The following KRT6A variants were observed in gnomAD, a reference collection of about 807,000 sequenced individuals.
The protein encoded by KRT6A is keratin, type II cytoskeletal 6A.
Under a neutral mutation model 48.6 loss-of-function variants are expected in KRT6A, and 28 were observed. The ratio of observed to expected loss-of-function variants is 0.58; its 90% CI spans 0.43 to 0.79. The LOEUF is 0.79. KRT6A is among the 30% of genes least tolerant of loss of function. The probability of loss-of-function intolerance (pLI) is 0.00; values close to 1 mark genes in which losing one functional copy is unlikely to be tolerated. For missense variants in KRT6A, 687 were observed against 724.3 expected (o/e 0.95, Z 0.59); for synonymous variants, 301 against 294.2 (o/e 1.02, Z -0.24).
chr12:52,488,860 A>T (rs547910965), intron 6 of KRT6A, among the ~76,000 whole-genome samples: 2 of 152,348 alleles, frequency 1.3e-5, no homozygotes, highest in Admixed American at 1.3e-4. Context: ...TTGTCTCCAC[A>T]GTCAAATCAA....
In KRT6A at chr12:52,490,029, C is replaced by A; in HGVS notation, c.1117G>T (p.Asp373Tyr). ...ATCTCCTGCTTGGTGTTGCGCAGGT[C>A]GTCCCCATGTCTGCCTGCTGTGACC... ...LQVTAGRHGD[D>Y]LRNTKQEIAE... The change falls in exon 6 of 9, where the codon GAC becomes TAC. Residue 373 changes from aspartate to tyrosine, a missense_variant. Coordinates refer to ENST00000330722, the MANE Select transcript of KRT6A (RefSeq NM_005554.4). The A allele has an allele frequency of 6.2e-7, 1 of 1,613,968 alleles. No homozygotes were observed. Among genetic ancestry groups the A allele is most frequent in the Non-Finnish European group, 8.5e-7 (1 of 1,180,002 alleles).
In KRT6A at chr12:52,490,767, T is replaced by A. The variant is rs440882; in HGVS notation, c.913-34A>T. On this transcript the variant is annotated intron_variant, in intron 4 of 8. Transcript: ENST00000330722. ...CAGAAGGTCATAAGATCAACTTCAC[T>A]TCCGATATTTACAGAGATACCCAAC... 4.6e-5 allele frequency: 75 copies of A among 1,613,914 alleles called. No individual in the cohort carries two copies. In the East Asian group the frequency reaches 6.5e-4, roughly 14 times the overall value.
chr12:52,489,881 T>C (rs866027739), intron 6 of KRT6A, 62 bp downstream of exon 6: 16 of 1,613,474 alleles, frequency 9.9e-6, no homozygotes, highest in Middle Eastern at 3.3e-4. Flanking sequence ...AATATAATGG[T>C]TGATGGCTGC....
rs760470738 is a variant in KRT6A, at chr12:52,488,110, A to G, written c.1425-7T>C. ...AACGCCTTCGCCATTCAGCCTGTGG[A>G]GAGGAACACAGGGAGGGTGAGACCT... On this transcript the variant is annotated splice_region_variant and splice_polypyrimidine_tract_variant and intron_variant, in intron 7 of 8. Transcript: ENST00000330722. 7 of 1,613,982 alleles carry G rather than the reference A, an allele frequency of 4.3e-6. No individual in the cohort carries two copies. The South Asian group carries it at 6.6e-5, about 15-fold the overall frequency.
chr12:52,488,546 G>A lies in KRT6A; in HGVS notation c.1206C>T (p.Cys402=), dbSNP rs768888133. The A allele has an allele frequency of 4.7e-4, 751 of 1,613,706 alleles. 2 individuals are homozygous for A. Among genetic ancestry groups the A allele is most frequent in the Admixed American group, 2.1e-3 (124 of 59,978 alleles). Residue 402 remains cysteine, a splice_region_variant and synonymous_variant, in exon 7 of 9, where the codon TGC becomes TGT. Transcript: ENST00000330722. The part of the protein sequence containing the change: ...RSEIDHVKKQ[C]ANLQAAIADA... ...CAGCAATGGCGGCCTGCAGGTTGGC[G>A]CACTGGAAGAGGAAAGGAATAGAAG...
Position 52,487,338 on chromosome 12 carries a change from C to A in KRT6A, c.*382G>T. On this transcript the variant is annotated 3_prime_UTR_variant, in exon 9 of 9. Transcript: ENST00000330722. ...ACTTATAAGTTAGAGAGTTTGAGAGCCAGTGGAAAGTAAGTGGAAGTTGTT... is the reference window on the plus strand; with the variant it reads ...ACTTATAAGTTAGAGAGTTTGAGAGACAGTGGAAAGTAAGTGGAAGTTGTT... The A allele has an allele frequency of 3.3e-6, 1 of 304,380 alleles. No individual in the cohort carries two copies. Among genetic ancestry groups the A allele is most frequent in the Non-Finnish European group, 6.3e-6 (1 of 159,588 alleles). The allele number at this position is 304,380 out of a possible 1,614,324, so 18.9% of individuals were successfully genotyped here. A position where few individuals can be genotyped will look rare whatever the true frequency, so the allele number is the denominator to read the frequency against.
intron 1 of KRT6A, 83 bp from the exon 2 acceptor site, chr12:52,491,819 G>A (rs1938272012): frequency 4.5e-6 from 7 of 1,563,858 alleles, no homozygotes; most frequent in Non-Finnish European, 5.2e-6. Flanking sequence ...GCAGGTCCGG[G>A]AGGTTCCCAT....
At chr12:52,488,715 G>T (rs1938198419) in intron 6 of KRT6A, among the ~76,000 whole-genome samples, 167 bp from the exon 7 acceptor site, 3 of 151,814 alleles carry the variant, frequency 2.0e-5, no homozygotes, top group Admixed American at 1.3e-4. Flanking sequence ...TTTTTGTCCA[G>T]TCTGGTTCAT....
chr12:52,491,271 A>T, intron 2 of KRT6A, 99 bp from the exon 3 acceptor site: 3 of 1,605,556 alleles, frequency 1.9e-6, no homozygotes, highest in Middle Eastern at 3.3e-4. Context: ...AATATATTCT[A>T]ATTGGGCTTT....
rs772579442 is a variant in KRT6A at position 52,488,101 on chromosome 12, A to C, written c.1427T>G (p.Leu476Arg). The change falls in exon 8 of 9, where the codon CTG becomes CGG. Residue 476 changes from leucine to arginine, a missense_variant and splice_region_variant. By Grantham distance (102) the Leu-to-Arg change is moderately radical. Coordinates refer to ENST00000330722, the MANE Select transcript of KRT6A (RefSeq NM_005554.4). Reference sequence around the variant, plus strand: ...GACTTGTCCAACGCCTTCGCCATTCAGCCTGTGGAGAGGAACACAGGGAGG... The same window carrying C: ...GACTTGTCCAACGCCTTCGCCATTCCGCCTGTGGAGAGGAACACAGGGAGG... ...RKLLEGEECR[L>R]NGEGVGQVNI... 3.7e-6 allele frequency: 6 copies of C among 1,614,014 alleles called. No individual in the cohort carries two copies. In the South Asian group the frequency reaches 5.5e-5, roughly 15 times the overall value.
intron 7 of KRT6A, 57 bp from the exon 8 acceptor site, chr12:52,488,160 C>A: frequency 6.2e-7 from 1 of 1,613,932 alleles, no homozygotes; most frequent in Non-Finnish European, 8.5e-7. Flanking sequence ...TTCCCTGGAC[C>A]AGCGTGGGCA....
At chr12:52,491,496 G>A (rs1404511437) in intron 2 of KRT6A, 26 bp downstream of exon 2, 2 of 1,611,692 alleles carry the variant, frequency 1.2e-6, no homozygotes, top group Admixed American at 1.7e-5. Context: ...GCAGGAAACT[G>A]AGTCCATTTC....
At chr12:52,488,001 A>T (rs1222866184) in intron 8 of KRT6A, 46 bp from the exon 9 acceptor site, 2 of 1,614,024 alleles carry the variant, frequency 1.2e-6, no homozygotes, top group Admixed American at 3.3e-5. Context: ...TGGTGAGCTC[A>T]TCCTGTCAGC....
rs943104961 is a variant in KRT6A at position 52,487,457 on chromosome 12, G to T, written c.*263C>A. 3 of 546,468 alleles carry T rather than the reference G, an allele frequency of 5.5e-6. No individual in the cohort carries two copies. The highest frequency in any genetic ancestry group is 4.1e-5 in the African/African-American group (2 of 49,076). The allele number at this position is 546,468 out of a possible 1,614,324, so 33.9% of individuals were successfully genotyped here. On this transcript the variant is annotated 3_prime_UTR_variant, in exon 9 of 9. Coordinates refer to ENST00000330722, the MANE Select transcript of KRT6A (RefSeq NM_005554.4). ...CTCAGAGATAGAACACTGGAGGCAA[G>T]AAATTAATAATTTAGTAACAGTGAA...
At position 52,492,547 on chromosome 12, in the gene KRT6A, A is replaced by G. The variant is rs1209790745; in HGVS notation, c.540+102T>C. On this transcript the variant is annotated intron_variant, in intron 1 of 8. Transcript: ENST00000330722. The stretch of plus-strand genomic sequence containing the variant: ...CTGCACTCTCTGCAGAGCTGGGCTG[A>G]GTCCTCTTCTCCCTCCCTCCTAGGT... The G allele has an allele frequency of 6.2e-6, 10 of 1,601,804 alleles. No individual in the cohort carries two copies. The South Asian group carries it at 1.1e-4, about 18-fold the overall frequency.
rs753817764 is a variant in KRT6A at position 52,487,992 on chromosome 12, G to T, written c.1460-37C>A. ...AGGGGACAAGGACACAAGAAGCCAT[G>T]GTGAGCTCATCCTGTCAGCCTGAGC... is the stretch of plus-strand genomic sequence containing the variant. On this transcript the variant is annotated intron_variant, in intron 8 of 8. Coordinates refer to ENST00000330722, the MANE Select transcript of KRT6A (RefSeq NM_005554.4). 3 of 1,614,050 alleles carry T rather than the reference G, an allele frequency of 1.9e-6. No homozygotes were observed. The African/African-American group carries it at 4.0e-5, about 22-fold the overall frequency.
chr12:52,492,979 G>T lies in KRT6A; in HGVS notation c.210C>A (p.Ile70=), dbSNP rs777756079. The change falls in exon 1 of 9, where the codon ATC becomes ATA. Residue 70 remains isoleucine, a synonymous_variant. Transcript: ENST00000330722. ...TGGCACAGCTGCCCCCTCCAATGGAGATCCTCTTGGAGCCCCCCAGGCCAT... is the reference window on the plus strand; with the variant it reads ...TGGCACAGCTGCCCCCTCCAATGGATATCCTCTTGGAGCCCCCCAGGCCAT... ...SLYGLGGSKR[I]SIGGGSCAIS... 6 of 1,610,704 alleles carry T rather than the reference G, an allele frequency of 3.7e-6. No homozygotes were observed. Among genetic ancestry groups the T allele is most frequent in the Non-Finnish European group, 5.1e-6 (6 of 1,179,126 alleles).
chr12:52,493,201 T>C lies in KRT6A; in HGVS notation c.-13A>G. 1 of 1,613,946 alleles carries C rather than the reference T, an allele frequency of 6.2e-7. No homozygotes were observed. The highest frequency in any genetic ancestry group is 1.1e-5 in the South Asian group (1 of 91,058). ...ATGTGCTGGCCATGGTTCCAGGAGATGAGAGAGCTGAGGAGAGTGTGAGAG... is the reference window on the plus strand; with the variant it reads ...ATGTGCTGGCCATGGTTCCAGGAGACGAGAGAGCTGAGGAGAGTGTGAGAG... On this transcript the variant is annotated 5_prime_UTR_variant, in exon 1 of 9. Transcript: ENST00000330722.
chr12:52,488,014 G>A (rs1219086893), intron 8 of KRT6A, 55 bp downstream of exon 8: 46 of 1,614,080 alleles, frequency 2.8e-5, no homozygotes, highest in Non-Finnish European at 3.6e-5. Context: ...CTGTCAGCCT[G>A]AGCCCAGTCA....
Sources: gnomAD v4.1 joint callset for allele counts (sites outside exome capture counted in the v4.1 genomes callset) on GRCh38, gnomAD v4.1.1 for gene constraint, MANE v1.5 for transcripts, NCBI Gene and HGNC (gene_info 2026-07-23, HGNC 2026-07-21) for gene names.